The following CPA6 variants were observed in gnomAD, a reference collection of about 807,000 sequenced individuals.
The protein encoded by CPA6 is carboxypeptidase A6, also known as carboxypeptidase B.
Under a neutral mutation model 63.3 loss-of-function variants are expected in CPA6, and 58 were observed. The observed-to-expected ratio is 0.92, with a 90% CI of 0.74 to 1.14. The LOEUF is 1.14. Among genes scored for constraint, CPA6 ranks in the 50% most tolerant of loss-of-function variants. The pLI, the probability that CPA6 is intolerant of heterozygous loss-of-function variation, is 0.00. For missense variants in CPA6, 565 were observed against 526.6 expected (o/e 1.07, Z -0.71); for synonymous variants, 185 against 179.0 (o/e 1.03, Z -0.27).
intron 2 of CPA6, among the ~76,000 whole-genome samples, chr8:67,538,403 CTCT>C (rs1176626077): frequency 6.6e-6 from 1 of 151,766 alleles, no homozygotes; most frequent in African/African-American, 2.4e-5. Context: ...GGATATTTAG[CTCT>C]TCTTGTTGTA....
chr8:67,632,610 C>A (rs1186479175), intron 1 of CPA6, among the ~76,000 whole-genome samples: 2 of 152,126 alleles, frequency 1.3e-5, no homozygotes, highest in Non-Finnish European at 2.9e-5. Flanking sequence ...CTGCACCAAG[C>A]CTCATGTTTT....
chr8:67,721,871 G>A (rs368820450), intron 1 of CPA6, among the ~76,000 whole-genome samples: 20 of 152,074 alleles, frequency 1.3e-4, no homozygotes, highest in Non-Finnish European at 2.5e-4. Context: ...AGGTTTCTCC[G>A]TACATAGGGA....
Position 67,607,207 on chromosome 8 carries a change from CT to C in CPA6, c.192+16968del, listed in dbSNP as rs1814677252. The stretch of plus-strand genomic sequence containing the variant: ...TCTTCTTCTTCTTCTTCTTCTTCTT[CT>C]TCTTCTTCTTCTTCTTCTTCTTCTT... On this transcript the variant is annotated intron_variant, in intron 2 of 10. Coordinates refer to ENST00000297770, the MANE Select transcript of CPA6 (RefSeq NM_020361.5). Among the ~76,000 whole-genome samples the C allele has an allele frequency of 1.6e-4, 15 of 94,312 alleles. 2 individuals carry two copies. The highest frequency in any genetic ancestry group is 5.5e-3 in the Middle Eastern group (1 of 182). The allele number at this position is 94,312 out of a possible 152,430, so 61.9% of individuals were successfully genotyped here.
chr8:67,424,128 C>T (rs11776412), intron 10 of CPA6, among the ~76,000 whole-genome samples: 2,776 of 152,200 alleles, frequency 0.018, 45 homozygotes, highest in Non-Finnish European at 0.027. Context: ...GTCACTGTCT[C>T]CCATCACCCC....
chr8:67,440,408 TA>T (rs1324608244), intron 8 of CPA6, among the ~76,000 whole-genome samples: 10 of 152,048 alleles, frequency 6.6e-5, no homozygotes, highest in African/African-American at 2.2e-4. Context: ...CTGTCTCTAC[TA>T]AAAATACAAA....
At chr8:67,476,396 T>C (rs1194864211) in intron 8 of CPA6, among the ~76,000 whole-genome samples, 2 of 152,286 alleles carry the variant, frequency 1.3e-5, no homozygotes, top group South Asian at 2.1e-4. Flanking sequence ...AAGGTCTTCC[T>C]GGAGAATTCA....
chr8:67,650,979 G>C (rs1171028157), intron 1 of CPA6, among the ~76,000 whole-genome samples: 1 of 152,124 alleles, frequency 6.6e-6, no homozygotes, highest in Non-Finnish European at 1.5e-5. Context: ...TCAGGAGTAA[G>C]TTTAAGAATA....
At chr8:67,552,774 C>CAAAAAAAAAAAAAAAAAAAAAAA (rs762395117) in intron 2 of CPA6, among the ~76,000 whole-genome samples, 2 of 20,932 alleles carry the variant, frequency 9.6e-5, no homozygotes, top group African/African-American at 1.6e-4. Context: ...AAGACTGTCT[C>CAAAAAAAAAAAAAAAAAAAAAAA]AAAAAAAAAA....
At chr8:67,728,462 A>G (rs1421224797) in intron 1 of CPA6, among the ~76,000 whole-genome samples, 3 of 152,178 alleles carry the variant, frequency 2.0e-5, no homozygotes, top group Non-Finnish European at 2.9e-5. Flanking sequence ...TAGCCGGCAC[A>G]AAAGGGTCTA....
chr8:67,701,976 T>G (rs536050593), intron 1 of CPA6, among the ~76,000 whole-genome samples: 2 of 152,270 alleles, frequency 1.3e-5, no homozygotes, highest in East Asian at 1.9e-4. Context: ...TTGGGAAGAT[T>G]GTGCGTGCAG....
At chr8:67,509,459 G>T in intron 5 of CPA6, 58 bp downstream of exon 5, 1 of 830,094 alleles carries the variant, frequency 1.2e-6, no homozygotes, top group Non-Finnish European at 2.0e-6. Flanking sequence ...GGTTAAAGTT[G>T]AAAAAGATGG....
intron 1 of CPA6, among the ~76,000 whole-genome samples, chr8:67,725,891 T>C (rs1817587386): frequency 6.6e-6 from 1 of 152,138 alleles, no homozygotes. Context: ...AAGAATGAGA[T>C]AAAATAAATT....
At chr8:67,537,099 G>T (rs1175048975) in intron 2 of CPA6, among the ~76,000 whole-genome samples, 1 of 152,160 alleles carries the variant, frequency 6.6e-6, no homozygotes, top group Non-Finnish European at 1.5e-5. Flanking sequence ...CTGTTTGCCT[G>T]TATTTTATTG....
rs1563967985 is a variant in CPA6 at position 67,475,876 on chromosome 8, TTTCTCCTTTC to T, written c.838+7882_838+7891del. Among the ~76,000 whole-genome samples the T allele has an allele frequency of 1.4e-3, 106 of 77,406 alleles. 3 individuals are homozygous for T. Among genetic ancestry groups the T allele is most frequent in the African/African-American group, 3.4e-3 (64 of 18,928 alleles). The allele number at this position is 77,406 out of a possible 152,430, so 50.8% of individuals were successfully genotyped here. ...CTTTCTTTCTTTCTTTCTTTCTTTC[TTTCTCCTTTC>T]TTTCTTTCTTTCTTTCTTTCTTTCT... On this transcript the variant is annotated intron_variant, in intron 8 of 10. Transcript: ENST00000297770.
At chr8:67,613,437 T>C (rs759896179) in intron 2 of CPA6, among the ~76,000 whole-genome samples, 7 of 152,300 alleles carry the variant, frequency 4.6e-5, no homozygotes, top group Non-Finnish European at 7.4e-5. Flanking sequence ...CAAAGATGAA[T>C]GGTAAGTCAT....
intron 1 of CPA6, among the ~76,000 whole-genome samples, chr8:67,687,776 T>G (rs944287077): frequency 6.6e-6 from 1 of 152,160 alleles, no homozygotes; most frequent in Middle Eastern, 3.4e-3. Flanking sequence ...GTCTATAAAG[T>G]GAAGATAAGG....
At position 67,449,100 on chromosome 8, in the gene CPA6, A is replaced by G. The variant is rs139197865; in HGVS notation, c.839-14860T>C. 2.6e-5 allele frequency among the ~76,000 whole-genome samples: 4 copies of G among 152,264 alleles called. No homozygotes were observed. The East Asian group carries it at 7.7e-4, about 29-fold the overall frequency. ...AACTCCATCTCTACCACAAATACAA[A>G]AATTAGCCAGGTGTGGCGGTGCATG... On this transcript the variant is annotated intron_variant, in intron 8 of 10. Transcript: ENST00000297770.
intron 2 of CPA6, among the ~76,000 whole-genome samples, chr8:67,529,084 G>A (rs1812424483): frequency 6.6e-6 from 1 of 151,830 alleles, no homozygotes; most frequent in Admixed American, 6.6e-5. Flanking sequence ...AGAGTTGTAA[G>A]TACAGAAGTT....
chr8:67,692,226 C>T lies in CPA6; in HGVS notation c.116+53788G>A, dbSNP rs191987626. Among the ~76,000 whole-genome samples the T allele has an allele frequency of 3.7e-3, 563 of 151,512 alleles. 3 individuals are homozygous for T. Among genetic ancestry groups the T allele is most frequent in the African/African-American group, 0.013 (530 of 41,322 alleles). On this transcript the variant is annotated intron_variant, in intron 1 of 10. Coordinates refer to ENST00000297770, the MANE Select transcript of CPA6 (RefSeq NM_020361.5). ...TGGCGCATGCCTCTAATCCCAGCTA[C>T]TCGGGTGGCTGAGGCAGGAGAATCG...
Sources: gnomAD v4.1 joint callset for allele counts (sites outside exome capture counted in the v4.1 genomes callset) on GRCh38, gnomAD v4.1.1 for gene constraint, MANE v1.5 for transcripts, NCBI Gene and HGNC (gene_info 2026-07-23, HGNC 2026-07-21) for gene names.